CTNNA2: variants seen among roughly 807,000 people sequenced by gnomAD.
CTNNA2 encodes the protein catenin alpha 2.
In CTNNA2, 42 loss-of-function variants were observed where a neutral mutation model predicts 101.0. That is an observed-to-expected ratio of 0.42 (90% CI 0.32 to 0.54). The LOEUF (loss-of-function observed/expected upper bound fraction) is 0.54. Ranked by LOEUF, CTNNA2 falls within the 20% of genes least tolerant of loss-of-function variation. CTNNA2 has a pLI of 0.14. For synonymous variants in CTNNA2, 450 were observed against 456.4 expected (o/e 0.99, Z 0.18); for missense variants, 871 against 1,223.1 (o/e 0.71, Z 4.29).
At chr2:80,321,306 A>G (rs572703105) in intron 7 of CTNNA2, among the ~76,000 whole-genome samples, 3 of 152,200 alleles carry the variant, frequency 2.0e-5, no homozygotes, top group South Asian at 4.1e-4. Context: ...GAGATTTTCT[A>G]TCGTAGGGAG....
intron 9 of CTNNA2, 107 bp downstream of exon 9, chr2:80,419,708 T>C: frequency 1.7e-6 from 2 of 1,200,830 alleles, no homozygotes; most frequent in Non-Finnish European, 2.3e-6. Context: ...TTTGGAGAAA[T>C]AAAGTCCTGG....
At chr2:80,529,216 T>A (rs994422812) in intron 9 of CTNNA2, among the ~76,000 whole-genome samples, 3 of 152,194 alleles carry the variant, frequency 2.0e-5, no homozygotes, top group Non-Finnish European at 2.9e-5. Flanking sequence ...GTAGGCCACA[T>A]GGAGTCTCAC....
chr2:80,529,901 A>G (rs2149592080), intron 9 of CTNNA2, among the ~76,000 whole-genome samples: 1 of 152,136 alleles, frequency 6.6e-6, no homozygotes, highest in Admixed American at 6.5e-5. Flanking sequence ...TGCTAAGGTG[A>G]GGCACATTTG....
At chr2:80,098,355 G>A (rs887209886) in intron 7 of CTNNA2, among the ~76,000 whole-genome samples, 1 of 152,142 alleles carries the variant, frequency 6.6e-6, no homozygotes, top group Non-Finnish European at 1.5e-5. Context: ...CTGCCTGATC[G>A]TTCCTCTGGA....
At chr2:79,241,359 G>A (rs1215034969) in intron 2 of CTNNA2, among the ~76,000 whole-genome samples, 2 of 152,176 alleles carry the variant, frequency 1.3e-5, no homozygotes, top group East Asian at 1.9e-4. Context: ...TTATGATTAA[G>A]CTTGAAAACA....
chr2:80,268,176 A>G (rs1673164347), intron 7 of CTNNA2, among the ~76,000 whole-genome samples: 1 of 152,246 alleles, frequency 6.6e-6, no homozygotes, highest in Admixed American at 6.5e-5. Flanking sequence ...CTGTGCTCAT[A>G]GCCCTGGACC....
chr2:80,176,560 T>C (rs1430939333), intron 7 of CTNNA2, among the ~76,000 whole-genome samples: 3 of 152,188 alleles, frequency 2.0e-5, no homozygotes, highest in African/African-American at 7.2e-5. Context: ...TCGTGGTTTT[T>C]TTACCTGGTG....
At chr2:80,059,807 G>A (rs560143814) in intron 7 of CTNNA2, among the ~76,000 whole-genome samples, 4 of 152,290 alleles carry the variant, frequency 2.6e-5, no homozygotes, top group Admixed American at 6.5e-5. Flanking sequence ...CTTAAACAAT[G>A]GGGATTTCTG....
intron 1 of CTNNA2, among the ~76,000 whole-genome samples, chr2:79,609,115 G>C (rs1678099049): frequency 6.6e-6 from 1 of 151,870 alleles, no homozygotes; most frequent in South Asian, 2.1e-4. Context: ...GAGTTACTTA[G>C]AGGTAAATCT....
At chr2:79,443,635 C>G (rs961551213) in intron 4 of CTNNA2, among the ~76,000 whole-genome samples, 1 of 152,030 alleles carries the variant, frequency 6.6e-6, no homozygotes, top group African/African-American at 2.4e-5. Flanking sequence ...TATAGAAATT[C>G]AAAACCTTCT....
chr2:79,953,221 A>G (rs1689006600), intron 7 of CTNNA2, among the ~76,000 whole-genome samples: 1 of 151,846 alleles, frequency 6.6e-6, no homozygotes, highest in African/African-American at 2.4e-5. Context: ...GTAGATTCCC[A>G]CTTTTTAACC....
intron 2 of CTNNA2, among the ~76,000 whole-genome samples, chr2:79,308,224 T>G (rs1676290283): frequency 6.6e-6 from 1 of 152,124 alleles, no homozygotes; most frequent in Non-Finnish European, 1.5e-5. Context: ...TTTTCTATTT[T>G]CTGCAGAGAC....
intron 7 of CTNNA2, among the ~76,000 whole-genome samples, chr2:79,914,019 T>A (rs1686000546): frequency 6.6e-6 from 1 of 151,154 alleles, no homozygotes; most frequent in African/African-American, 2.4e-5. Flanking sequence ...TACAAAAAAT[T>A]AGCCGGGCGT....
chr2:80,582,498 C>T (rs1695624265), intron 14 of CTNNA2, among the ~76,000 whole-genome samples: 1 of 152,096 alleles, frequency 6.6e-6, no homozygotes, highest in Admixed American at 6.6e-5. Flanking sequence ...TTTGAGTACT[C>T]CATGATACTG....
intron 4 of CTNNA2, among the ~76,000 whole-genome samples, chr2:79,420,381 G>A (rs1678528816): frequency 6.6e-6 from 1 of 152,002 alleles, no homozygotes; most frequent in South Asian, 2.1e-4. Flanking sequence ...CCTGTCTTAG[G>A]AAGAATCGAC....
chr2:80,519,109 TCTTTC>T (rs1188817843), intron 9 of CTNNA2, among the ~76,000 whole-genome samples: 7 of 151,372 alleles, frequency 4.6e-5, no homozygotes, highest in African/African-American at 1.7e-4. Flanking sequence ...TAAACACCTC[TCTTTC>T]TCTTTTGTGT....
chr2:79,477,381 G>C (rs976624291), intron 4 of CTNNA2, among the ~76,000 whole-genome samples: 3 of 151,842 alleles, frequency 2.0e-5, no homozygotes, highest in African/African-American at 7.3e-5. Context: ...ATGTTGGCCA[G>C]GCTAGTCTCA....
At chr2:79,488,117 G>A (rs542184640) in intron 4 of CTNNA2, among the ~76,000 whole-genome samples, 22 of 152,052 alleles carry the variant, frequency 1.4e-4, no homozygotes, top group African/African-American at 4.6e-4. Context: ...TTGGGAGTTC[G>A]AGACCAGCCT....
At chr2:80,217,796 G>A (rs746803937) in intron 7 of CTNNA2, among the ~76,000 whole-genome samples, 38 of 152,162 alleles carry the variant, frequency 2.5e-4, no homozygotes, top group Admixed American at 1.2e-3. Flanking sequence ...GTTGAAATGG[G>A]GAGAGGGGTT....
Sources: gnomAD v4.1 joint callset for allele counts (sites outside exome capture counted in the v4.1 genomes callset) on GRCh38, gnomAD v4.1.1 for gene constraint, MANE v1.5 for transcripts, NCBI Gene and HGNC (gene_info 2026-07-23, HGNC 2026-07-21) for gene names.